The following TBX1 variants were observed in gnomAD, a reference collection of about 807,000 sequenced individuals.
TBX1 encodes the protein T-box transcription factor 1, also known as T-box transcription factor TBX1.
TBX1 carries 16 observed loss-of-function variants against 40.8 expected under a neutral mutation model. That is an observed-to-expected ratio of 0.39 (90% CI 0.27 to 0.60). The LOEUF is 0.60. Ranked by LOEUF, TBX1 falls within the 20% of genes least tolerant of loss-of-function variation. The pLI, the probability that TBX1 is intolerant of heterozygous loss-of-function variation, is 0.51. For synonymous variants in TBX1, 403 were observed against 336.8 expected (o/e 1.20, Z -2.15); for missense variants, 755 against 728.5 (o/e 1.04, Z -0.42).
intron 6 of TBX1, 33 bp downstream of exon 6, chr22:19,766,035 C>T (rs1936827665): frequency 6.8e-7 from 1 of 1,464,318 alleles, no homozygotes; most frequent in Non-Finnish European, 9.0e-7. Flanking sequence ...CGGGTTCCGG[C>T]CCTGTGCGCG....
chr22:19,758,782 G>A (rs1035411745), upstream of TBX1, among the ~76,000 whole-genome samples: 5 of 152,212 alleles, frequency 3.3e-5, no homozygotes, highest in African/African-American at 4.8e-5. Context: ...GCAAGTGCGC[G>A]TGACGCTCGG....
chr22:19,768,061 G>A (rs777384545), downstream of TBX1, among the ~76,000 whole-genome samples: 55 of 152,298 alleles, frequency 3.6e-4, no homozygotes, highest in African/African-American at 1.3e-3. Context: ...GGGATGGGGC[G>A]AGAGGAACTC....
chr22:19,762,647 T>G (rs41298806), intron 1 of TBX1, among the ~76,000 whole-genome samples: 4,055 of 152,170 alleles, frequency 0.027, 194 homozygotes, highest in African/African-American at 0.094. Context: ...AAGCTTGCCC[T>G]GTGCCCTGAG....
chr22:19,767,704 CCCTGGCCTGTTT>C (rs572726156), downstream of TBX1, among the ~76,000 whole-genome samples: 16 of 152,380 alleles, frequency 1.1e-4, no homozygotes, highest in Non-Finnish European at 1.9e-4. Flanking sequence ...TGGGCCTGCG[CCCTGGCCTGTTT>C]TCGGGACAGA....
At chr22:19,764,426 C>A in intron 3 of TBX1, 100 bp downstream of exon 3, 1 of 1,500,472 alleles carries the variant, frequency 6.7e-7, no homozygotes, top group Non-Finnish European at 9.2e-7. Context: ...AGGCCCCCGG[C>A]TGTCCCCAGG....
intron 8 of TBX1, among the ~76,000 whole-genome samples, chr22:19,774,533 G>T (rs899669266): frequency 6.6e-6 from 1 of 152,192 alleles, no homozygotes; most frequent in Non-Finnish European, 1.5e-5. Flanking sequence ...GTTCATAGCA[G>T]CATTACTCAA....
downstream of TBX1, among the ~76,000 whole-genome samples, chr22:19,769,174 T>G (rs916717693): frequency 6.6e-6 from 1 of 152,132 alleles, no homozygotes; most frequent in Admixed American, 6.5e-5. Flanking sequence ...TTGGCCAGGC[T>G]GGTCTCGAAC....
chr22:19,761,172 T>C lies in TBX1; in HGVS notation c.329T>C (p.Val110Ala). The C allele has an allele frequency of 6.5e-7, 1 of 1,526,862 alleles. No homozygotes were observed. The highest frequency in any genetic ancestry group is 8.8e-7 in the Non-Finnish European group (1 of 1,134,010). 94.6% of individuals were successfully genotyped at this position (1,526,862 alleles called of 1,614,324 possible). A position where few individuals can be genotyped will look rare whatever the true frequency, so the allele number is the denominator to read the frequency against. Residue 110 changes from valine (V) to alanine (A), a missense_variant, in exon 1 of 7, where the codon GTG (valine) becomes GCG (alanine). Transcript: ENST00000649276. The stretch of plus-strand genomic sequence containing the variant: ...TGCGCGGCCGCAGCCAAGGCGCCGG[T>C]GAAGAAGAACGCGAAGGTGGCCGGT... ...ASCAAAAKAP[V>A]KKNAKVAGVS...
chr22:19,759,580 C>G, upstream of TBX1: 1 of 1,600,130 alleles, frequency 6.2e-7, no homozygotes. Flanking sequence ...AGCGCACCGC[C>G]CACCAGGGCT....
In TBX1 at chr22:19,762,019, G is replaced by A. The variant is rs1452687114; in HGVS notation, c.437+739G>A. 2.0e-5 allele frequency among the ~76,000 whole-genome samples: 3 copies of A among 152,232 alleles called. No individual in the cohort carries two copies. The East Asian group carries it at 5.8e-4, about 29-fold the overall frequency. On this transcript the variant is annotated intron_variant, in intron 1 of 6. Transcript: ENST00000649276. ...TAATGTACACACCAGCTCGGAGTCC[G>A]AACAGCCAAGGGGAGCTCAGGGCCT...
chr22:19,761,396 C>A (rs917492705), intron 1 of TBX1, 116 bp downstream of exon 1: 1 of 1,272,742 alleles, frequency 7.9e-7, no homozygotes, highest in Non-Finnish European at 9.9e-7. Context: ...GCGGCCTGGC[C>A]ACCTGCGGGC....
In TBX1 at chr22:19,767,035, C is replaced by T; in HGVS notation, c.*168C>T. Reference sequence around the variant, plus strand: ...GCCATGGGGGCCCCCTCGCCACCCCCAGCCCCTTGGGCTATCGAAGTATCC... The same window carrying T: ...GCCATGGGGGCCCCCTCGCCACCCCTAGCCCCTTGGGCTATCGAAGTATCC... On this transcript the variant is annotated 3_prime_UTR_variant, in exon 7 of 7. Coordinates refer to ENST00000649276, the MANE Select transcript of TBX1 (RefSeq NM_001379200.1). 1 of 1,348,064 alleles carries T rather than the reference C, an allele frequency of 7.4e-7. No individual in the cohort carries two copies. The highest frequency in any genetic ancestry group is 9.5e-7 in the Non-Finnish European group (1 of 1,053,808). The allele number at this position is 1,348,064 out of a possible 1,614,324, so 83.5% of individuals were successfully genotyped here.
Position 19,766,811 on chromosome 22 carries a change from A to G in TBX1, c.1459A>G (p.Met487Val). The G allele has an allele frequency of 6.5e-7, 1 of 1,546,710 alleles. No individual in the cohort carries two copies. The highest frequency in any genetic ancestry group is 8.6e-7 in the Non-Finnish European group (1 of 1,157,682). The stretch of plus-strand genomic sequence containing the variant: ...TGCCGCAGCTGCCGCGGCCGCCAAC[A>G]TGTACTCGTCGGCCGGAGCCGCGCC... ...AAAAAAAAAN[M>V]YSSAGAAPPG... Residue 487 changes from methionine to valine, a missense_variant, in exon 7 of 7, where the codon ATG (methionine) becomes GTG (valine). By Grantham distance (21) the Met-to-Val change is conservative. This residue lies in a region of TBX1 where 412 missense variants were observed against 317.6 expected (regional missense o/e 1.30). Coordinates refer to ENST00000649276, the MANE Select transcript of TBX1 (RefSeq NM_001379200.1).
intron 3 of TBX1, 95 bp from the exon 4 acceptor site, chr22:19,764,863 A>T: frequency 6.7e-7 from 1 of 1,483,574 alleles, no homozygotes; most frequent in Non-Finnish European, 9.4e-7. Context: ...CAGGAAACTC[A>T]TTGCCAACTC....
At chr22:19,768,923 C>T (rs1042139440), downstream of TBX1, among the ~76,000 whole-genome samples, 36 of 145,306 alleles carry the variant, frequency 2.5e-4, no homozygotes, top group Non-Finnish European at 6.0e-5. Flanking sequence ...CCAGCAGGGC[C>T]GCCGCTGGCC....
In TBX1 at chr22:19,764,453, C is replaced by T; in HGVS notation, c.711+127C>T. 4 of 1,217,738 alleles carry T rather than the reference C, an allele frequency of 3.3e-6. No homozygotes were observed. In the South Asian group the frequency reaches 4.9e-5, roughly 15 times the overall value. 75.4% of individuals were successfully genotyped at this position (1,217,738 alleles called of 1,614,324 possible). On this transcript the variant is annotated intron_variant, in intron 3 of 6. Coordinates refer to ENST00000649276, the MANE Select transcript of TBX1 (RefSeq NM_001379200.1). ...GTCCCCAGGCGGCTCTGGGCTGTCC[C>T]CGAGGAGGCCCTTTAGAGTCCCTGC...
chr22:19,761,199 T>C lies in TBX1; in HGVS notation c.356T>C (p.Val119Ala). Residue 119 changes from valine to alanine, a missense_variant, in exon 1 of 7, where the codon GTG (valine) becomes GCG (alanine). Transcript: ENST00000649276. ...AAGAAGAACGCGAAGGTGGCCGGTG[T>C]GAGCGTGCAGCTAGAGATGAAGGCG... ...PVKKNAKVAG[V>A]SVQLEMKALW... 6.4e-7 allele frequency: 1 copy of C among 1,559,578 alleles called. No homozygotes were observed. Among genetic ancestry groups the C allele is most frequent in the Non-Finnish European group, 8.7e-7 (1 of 1,151,332 alleles).
upstream of TBX1, chr22:19,759,462 G>T: frequency 1.4e-6 from 2 of 1,424,624 alleles, no homozygotes; most frequent in Non-Finnish European, 1.8e-6. Flanking sequence ...ACACGCAGTC[G>T]GAGGCGGCGC....
Position 19,765,882 on chromosome 22 carries a change from G to C in TBX1, c.936-20G>C, listed in dbSNP as rs1253168103. On this transcript the variant is annotated intron_variant, in intron 5 of 6. Coordinates refer to ENST00000649276, the MANE Select transcript of TBX1 (RefSeq NM_001379200.1). The stretch of plus-strand genomic sequence containing the variant: ...GGGCGCCTGGCGCAGGCGCCGCCCT[G>C]ATCCGCCTCCCGCCCGCAGGCCCCG... 1.9e-6 allele frequency: 3 copies of C among 1,551,864 alleles called. No homozygotes were observed. Among genetic ancestry groups the C allele is most frequent in the South Asian group, 2.4e-5 (2 of 84,602 alleles).
Sources: gnomAD v4.1 joint callset for allele counts (sites outside exome capture counted in the v4.1 genomes callset) on GRCh38, gnomAD v4.1.1 for gene constraint, gnomAD v4.1.1 regional missense constraint, MANE v1.5 for transcripts, NCBI Gene and HGNC (gene_info 2026-07-23, HGNC 2026-07-21) for gene names.